Variants in ADARB2 observed in about 807,000 individuals in gnomAD.
ADARB2 encodes inactive double-stranded RNA-specific editase B2.
ADARB2 carries 25 observed loss-of-function variants against 62.2 expected under a neutral mutation model. The observed-to-expected ratio is 0.40, with a 90% CI of 0.29 to 0.56. ADARB2 has a LOEUF of 0.56. Among genes scored for constraint, ADARB2 ranks in the 20% least tolerant of loss-of-function variants. The probability of loss-of-function intolerance (pLI) is 0.43; values close to 1 mark genes in which losing one functional copy is unlikely to be tolerated. For missense variants in ADARB2, 1,071 were observed against 1,077.4 expected, an observed-to-expected ratio of 0.99 and a Z score of 0.08; for synonymous variants, 572 against 500.8, an observed-to-expected ratio of 1.14 and a Z score of -1.90.
chr10:1,522,550 G>A (rs571571330), intron 1 of ADARB2, among the ~76,000 whole-genome samples: 61 of 152,242 alleles, frequency 4.0e-4, no homozygotes, highest in African/African-American at 1.4e-3. Flanking sequence ...TGATGAGGAC[G>A]AGGACAACGT....
chr10:1,302,014 C>T (rs998279815), intron 3 of ADARB2, among the ~76,000 whole-genome samples: 1 of 152,060 alleles, frequency 6.6e-6, no homozygotes, highest in African/African-American at 2.4e-5. Context: ...TATCTCCCAT[C>T]TAGGGAGGAG....
At chr10:1,261,564 G>T (rs1350189264) in intron 4 of ADARB2, among the ~76,000 whole-genome samples, 1 of 150,032 alleles carries the variant, frequency 6.7e-6, no homozygotes, top group African/African-American at 2.5e-5. Flanking sequence ...CATTATCACT[G>T]GCCATCAGAG....
rs181503864 is a variant in ADARB2, at chr10:1,353,172, C to A, written c.1077+9856G>T. Among the ~76,000 whole-genome samples, 430 of 152,302 alleles carry A rather than the reference C, an allele frequency of 2.8e-3. 7 individuals are homozygous for A. The highest frequency in any genetic ancestry group is 0.025 in the Admixed American group (380 of 15,300). On this transcript the variant is annotated intron_variant, in intron 3 of 9. Coordinates refer to ENST00000381312, the MANE Select transcript of ADARB2 (RefSeq NM_018702.4). ...CGCCTAGGACTGGCAACTCTTAAGT[C>A]CCTCTTAGAGTGGATAGATGATCTT... is the stretch of plus-strand genomic sequence containing the variant.
rs188969804 is a variant in ADARB2, at chr10:1,264,132, G to C, written c.1192+6823C>G. Among the ~76,000 whole-genome samples, 384 of 152,140 alleles carry C rather than the reference G, an allele frequency of 2.5e-3. 2 individuals are homozygous for C. Among genetic ancestry groups the C allele is most frequent in the African/African-American group, 8.8e-3 (367 of 41,510 alleles). Reference sequence around the variant, plus strand: ...CACAGCATCAGCTTCACATTTCTCGGTATCCACTTAGTAATCATTAAGATC... The same window carrying C: ...CACAGCATCAGCTTCACATTTCTCGCTATCCACTTAGTAATCATTAAGATC... On this transcript the variant is annotated intron_variant, in intron 4 of 9. Coordinates refer to ENST00000381312, the MANE Select transcript of ADARB2 (RefSeq NM_018702.4).
At chr10:1,415,961 G>A (rs1406163978) in intron 1 of ADARB2, among the ~76,000 whole-genome samples, 1 of 152,164 alleles carries the variant, frequency 6.6e-6, no homozygotes, top group Non-Finnish European at 1.5e-5. Context: ...CCAGCCGTGT[G>A]ATCACAGCCT....
intron 1 of ADARB2, among the ~76,000 whole-genome samples, chr10:1,536,626 A>G (rs965254127): frequency 3.3e-5 from 5 of 152,194 alleles, no homozygotes; most frequent in Admixed American, 1.3e-4. Flanking sequence ...TTATTTTCTG[A>G]ATGTTGTAAC....
intron 5 of ADARB2, among the ~76,000 whole-genome samples, 190 bp downstream of exon 5, chr10:1,241,941 C>T (rs1187421096): frequency 6.6e-6 from 1 of 152,218 alleles, no homozygotes; most frequent in Non-Finnish European, 1.5e-5. Context: ...AGCATCTTCC[C>T]AGCGCACACG....
intron 4 of ADARB2, among the ~76,000 whole-genome samples, chr10:1,265,957 C>T (rs1434075687): frequency 3.1e-5 from 4 of 129,466 alleles, no homozygotes; most frequent in East Asian, 2.5e-4. Context: ...GAGAGGGGGG[C>T]CCAGACTCTC....
intron 1 of ADARB2, among the ~76,000 whole-genome samples, chr10:1,602,481 T>G (rs1421842944): frequency 6.6e-6 from 1 of 152,168 alleles, no homozygotes; most frequent in Non-Finnish European, 1.5e-5. Flanking sequence ...CCCTCCGGCA[T>G]CCATCGACTC....
At chr10:1,505,381 TG>T (rs1429048172) in intron 1 of ADARB2, among the ~76,000 whole-genome samples, 21 of 146,370 alleles carry the variant, frequency 1.4e-4, no homozygotes, top group Admixed American at 4.7e-4. Context: ...GGAGGGTTTT[TG>T]TTTTTTTTTT....
At chr10:1,726,926 A>G (rs1588368486) in intron 1 of ADARB2, among the ~76,000 whole-genome samples, 3 of 152,132 alleles carry the variant, frequency 2.0e-5, no homozygotes. Context: ...AACAGAGACC[A>G]CGGAGAAGGC....
At position 1,500,937 on chromosome 10, in the gene ADARB2, C is replaced by T. The variant is rs183195331; in HGVS notation, c.101-121777G>A. On this transcript the variant is annotated intron_variant, in intron 1 of 9. Coordinates refer to ENST00000381312, the MANE Select transcript of ADARB2 (RefSeq NM_018702.4). ...TCTCCCAGCCTGGAGTGCAGAAGCC[C>T]AATCTGTGCTCACTGCAACCTCCAT... Among the ~76,000 whole-genome samples, 30 of 152,280 alleles carry T rather than the reference C, an allele frequency of 2.0e-4. 1 individual carries two copies. Among genetic ancestry groups the T allele is most frequent in the African/African-American group, 4.8e-4 (20 of 41,548 alleles).
At chr10:1,218,827 G>A (rs1377003943) in intron 6 of ADARB2, among the ~76,000 whole-genome samples, 4 of 151,726 alleles carry the variant, frequency 2.6e-5, no homozygotes, top group Non-Finnish European at 5.9e-5. Context: ...GGCGGATCAC[G>A]AGGTCAGGAG....
At chr10:1,199,629 G>C (rs545217225) in intron 8 of ADARB2, 10 of 131,570 alleles carry the variant, frequency 7.6e-5, no homozygotes, top group Non-Finnish European at 1.3e-4. Flanking sequence ...GGCCAGGTGG[G>C]CAGGTGGGCA....
chr10:1,632,044 A>T (rs1588331016), intron 1 of ADARB2, among the ~76,000 whole-genome samples: 1 of 152,230 alleles, frequency 6.6e-6, no homozygotes, highest in African/African-American at 2.4e-5. Context: ...AGACATTTTA[A>T]TAAAATGCTG....
chr10:1,493,854 G>C (rs907680203), intron 1 of ADARB2, among the ~76,000 whole-genome samples: 1 of 141,486 alleles, frequency 7.1e-6, no homozygotes, highest in Non-Finnish European at 1.5e-5. Flanking sequence ...CGCCTCCTGG[G>C]TTGAAGCGGT....
chr10:1,267,201 T>A, intron 4 of ADARB2, among the ~76,000 whole-genome samples: 1 of 147,474 alleles, frequency 6.8e-6, no homozygotes, highest in Non-Finnish European at 1.5e-5. Flanking sequence ...GCAGAGAAAA[T>A]GTGAGGCAGG....
chr10:1,274,226 G>A (rs1446229224), intron 3 of ADARB2, among the ~76,000 whole-genome samples: 1 of 152,252 alleles, frequency 6.6e-6, no homozygotes, highest in Non-Finnish European at 1.5e-5. Flanking sequence ...TCCAGCCACG[G>A]GGACACTTCC....
At chr10:1,310,380 C>CTCTGAATAACATTCCTTCATTGAT (rs2131822423) in intron 3 of ADARB2, among the ~76,000 whole-genome samples, 1 of 143,118 alleles carries the variant, frequency 7.0e-6, no homozygotes, top group African/African-American at 2.6e-5. Flanking sequence ...ACTTCATTGA[C>CTCTGAATAACATTCCTTCATTGAT]TCTGAATAAC....
Sources: allele counts gnomAD v4.1 joint callset (sites outside exome capture counted in the v4.1 genomes callset), GRCh38; gene constraint gnomAD v4.1.1; transcripts MANE v1.5; gene names NCBI Gene and HGNC (gene_info 2026-07-23, HGNC 2026-07-21).